The following FNBP1L variants were observed in gnomAD, a reference collection of about 807,000 sequenced individuals.
The protein encoded by FNBP1L is formin binding protein 1 like.
FNBP1L carries 36 observed loss-of-function variants against 91.2 expected under a neutral mutation model. The ratio of observed to expected loss-of-function variants is 0.39; its 90% CI spans 0.30 to 0.52. FNBP1L has a LOEUF of 0.52. Ranked by LOEUF, FNBP1L falls within the 20% of genes least tolerant of loss-of-function variation. The pLI is 0.66. For synonymous variants in FNBP1L, 242 were observed against 237.0 expected (o/e 1.02, Z -0.19); for missense variants, 571 against 732.1 (o/e 0.78, Z 2.54).
At chr1:93,471,440 C>T (rs1002074588) in intron 1 of FNBP1L, among the ~76,000 whole-genome samples, 2 of 152,144 alleles carry the variant, frequency 1.3e-5, no homozygotes, top group African/African-American at 4.8e-5. Flanking sequence ...GCCTGAAATT[C>T]CAGCACTTTG....
In FNBP1L at chr1:93,530,845, C is replaced by T; in HGVS notation, c.601C>T (p.His201Tyr). Residue 201 changes from histidine to tyrosine, a missense_variant, in exon 7 of 17, where the codon CAT (histidine) becomes TAT (tyrosine). By Grantham distance (83) the His-to-Tyr change is moderately conservative. Transcript: ENST00000271234. ...AQLQNFNGEQ[H>Y]KHFYVVIPQI... is the part of the protein sequence containing the mutation. ...ATTACAAAACTTTAATGGAGAACAA[C>T]ATAAACATTTTTATGTAGTGATTCC... The T allele has an allele frequency of 6.4e-7, 1 of 1,553,838 alleles. No homozygotes were observed. The highest frequency in any genetic ancestry group is 2.4e-5 in the East Asian group (1 of 41,984).
chr1:93,520,138 C>G (rs1033099495), intron 2 of FNBP1L, among the ~76,000 whole-genome samples: 1 of 152,110 alleles, frequency 6.6e-6, no homozygotes, highest in African/African-American at 2.4e-5. Context: ...TTGGTATATA[C>G]TTGTCTCCTT....
intron 1 of FNBP1L, among the ~76,000 whole-genome samples, chr1:93,448,740 A>T (rs896636406): frequency 6.6e-6 from 1 of 151,442 alleles, no homozygotes; most frequent in African/African-American, 2.4e-5. Flanking sequence ...GAGGGCGGGG[A>T]GGGGACCGGC....
Position 93,448,208 on chromosome 1 carries a change from T to G in FNBP1L, c.-74T>G. 15 of 1,505,964 alleles carry G rather than the reference T, an allele frequency of 1.0e-5. No individual in the cohort carries two copies. The highest frequency in any genetic ancestry group is 1.2e-5 in the Non-Finnish European group (14 of 1,124,812). 93.3% of individuals were successfully genotyped at this position (1,505,964 alleles called of 1,614,324 possible). ...AGCTGCTAGCCCGCCGGCCAGCGAG[T>G]GAGAGGTCGGACAGACTGTGGAGCC... On this transcript the variant is annotated 5_prime_UTR_variant, in exon 1 of 17. Transcript: ENST00000271234.
At chr1:93,545,878 T>C (rs1193847752) in intron 12 of FNBP1L, among the ~76,000 whole-genome samples, 1 of 151,268 alleles carries the variant, frequency 6.6e-6, no homozygotes, top group African/African-American at 2.4e-5. Flanking sequence ...TTTGTAGCTA[T>C]AGATTTAATT....
intron 5 of FNBP1L, among the ~76,000 whole-genome samples, chr1:93,528,008 G>A (rs990139184): frequency 2.0e-5 from 3 of 151,672 alleles, no homozygotes; most frequent in African/African-American, 4.8e-5. Context: ...GAAAAAAAAT[G>A]AAAGATAAAG....
Position 93,499,527 on chromosome 1 carries a change from T to C in FNBP1L, c.84T>C (p.Tyr28=), listed in dbSNP as rs1670376358. Residue 28 remains tyrosine, a synonymous_variant, in exon 2 of 17, where the codon TAT becomes TAC. Coordinates refer to ENST00000271234, the MANE Select transcript of FNBP1L (RefSeq NM_001164473.3). ...GGGGAATTGACTTCTTGGAAAGATA[T>C]GCCAAATTTGTTAAAGAGAGGATAG... is the stretch of plus-strand genomic sequence containing the variant. ...TQWGIDFLER[Y]AKFVKERIEI... 5.6e-6 allele frequency: 9 copies of C among 1,605,912 alleles called. No homozygotes were observed. Among genetic ancestry groups the C allele is most frequent in the South Asian group, 2.3e-5 (2 of 88,858 alleles).
intron 1 of FNBP1L, among the ~76,000 whole-genome samples, chr1:93,466,929 T>C (rs943753005): frequency 6.6e-6 from 1 of 152,178 alleles, no homozygotes; most frequent in Non-Finnish European, 1.5e-5. Flanking sequence ...GCAATCTTGC[T>C]CACTGTAACC....
rs1668334754 is a variant in FNBP1L, at chr1:93,448,227, T to A, written c.-55T>A. On this transcript the variant is annotated 5_prime_UTR_variant, in exon 1 of 17. Transcript: ENST00000271234. ...AGCGAGTGAGAGGTCGGACAGACTG[T>A]GGAGCCGACAGACTGAAGGACAGCG... The A allele has an allele frequency of 2.0e-6, 3 of 1,519,264 alleles. No homozygotes were observed. The highest frequency in any genetic ancestry group is 8.8e-7 in the Non-Finnish European group (1 of 1,133,324). 94.1% of individuals were successfully genotyped at this position (1,519,264 alleles called of 1,614,324 possible).
At chr1:93,458,482 A>G (rs1271750498) in intron 1 of FNBP1L, among the ~76,000 whole-genome samples, 1 of 152,172 alleles carries the variant, frequency 6.6e-6, no homozygotes, top group Non-Finnish European at 1.5e-5. Flanking sequence ...AATCAACTTA[A>G]AATGGCTTAA....
intron 2 of FNBP1L, among the ~76,000 whole-genome samples, chr1:93,502,664 T>C (rs995077871): frequency 1.5e-4 from 23 of 152,212 alleles, no homozygotes; most frequent in African/African-American, 5.5e-4. Context: ...AGTAGAATTT[T>C]GTATTGAGAA....
At chr1:93,517,514 A>G (rs943413182) in intron 2 of FNBP1L, among the ~76,000 whole-genome samples, 1 of 152,176 alleles carries the variant, frequency 6.6e-6, no homozygotes, top group Non-Finnish European at 1.5e-5. Flanking sequence ...TCTTTTAAAA[A>G]AATCCCTTCT....
chr1:93,523,583 A>T (rs1557809057), intron 4 of FNBP1L, 92 bp downstream of exon 4: 3 of 1,215,330 alleles, frequency 2.5e-6, no homozygotes, highest in Non-Finnish European at 3.3e-6. Context: ...TTCAGCATAA[A>T]CTGGTTTTTC....
Position 93,524,262 on chromosome 1 carries a change from A to G in FNBP1L, c.344A>G (p.His115Arg), listed in dbSNP as rs150379851. The stretch of plus-strand genomic sequence containing the variant: ...TTTGGCCGTGGTTATAATCTTCAGC[A>G]TCTGCAAGAAGGACGAAAAGCTCAA... ...AHDLKTERKM[H>R]LQEGRKAQQY... Residue 115 changes from histidine to arginine, a missense_variant and splice_region_variant, in exon 5 of 17, where the codon CAT becomes CGT. Physicochemically the swap from His to Arg is conservative, Grantham distance 29. Coordinates refer to ENST00000271234, the MANE Select transcript of FNBP1L (RefSeq NM_001164473.3). 137 of 1,489,284 alleles carry G rather than the reference A, an allele frequency of 9.2e-5. 2 individuals are homozygous for G. The East Asian group carries it at 3.6e-3, about 39-fold the overall frequency. The allele number at this position is 1,489,284 out of a possible 1,614,324, so 92.3% of individuals were successfully genotyped here.
At chr1:93,504,590 G>A (rs966306534) in intron 2 of FNBP1L, among the ~76,000 whole-genome samples, 1 of 151,924 alleles carries the variant, frequency 6.6e-6, no homozygotes, top group Admixed American at 6.6e-5. Context: ...TCTTTTGTCC[G>A]GCTGAAAGAT....
rs1669607764 is a variant in FNBP1L at position 93,479,264 on chromosome 1, C to T, written c.25-20204C>T. Among the ~76,000 whole-genome samples the T allele has an allele frequency of 3.9e-5, 6 of 152,234 alleles. No homozygotes were observed. The South Asian group carries it at 1.2e-3, about 32-fold the overall frequency. ...GGGAGTAAGTCACAAAGATCACATG[C>T]TTCAAAGGGCAAAAAGAGAACAAAG... On this transcript the variant is annotated intron_variant, in intron 1 of 16. Transcript: ENST00000271234.
At chr1:93,504,630 T>C (rs1234690318) in intron 2 of FNBP1L, among the ~76,000 whole-genome samples, 1 of 152,228 alleles carries the variant, frequency 6.6e-6, no homozygotes, top group East Asian at 1.9e-4. Context: ...TACACAAAGC[T>C]TCCAGTTAGT....
intron 1 of FNBP1L, among the ~76,000 whole-genome samples, chr1:93,482,336 T>G (rs1669738659): frequency 6.6e-6 from 1 of 152,194 alleles, no homozygotes. Flanking sequence ...ATGATTTATT[T>G]CACATTAGCA....
chr1:93,461,903 C>T (rs1055385435), intron 1 of FNBP1L, among the ~76,000 whole-genome samples: 2 of 152,128 alleles, frequency 1.3e-5, no homozygotes, highest in African/African-American at 4.8e-5. Context: ...TCACAAAGCC[C>T]ACCATCATTT....
Sources: allele counts gnomAD v4.1 joint callset (sites outside exome capture counted in the v4.1 genomes callset), GRCh38; gene constraint gnomAD v4.1.1; transcripts MANE v1.5; gene names NCBI Gene and HGNC (gene_info 2026-07-23, HGNC 2026-07-21).